PCDH7: variants seen among roughly 807,000 people sequenced by gnomAD.
PCDH7 encodes the protein protocadherin-7.
PCDH7 carries 17 observed loss-of-function variants against 58.9 expected under a neutral mutation model. That is an observed-to-expected ratio of 0.29 (90% CI 0.20 to 0.43). PCDH7 has a LOEUF of 0.43. Ranked by LOEUF, PCDH7 falls within the 20% of genes least tolerant of loss-of-function variation. The pLI is 1.00. For synonymous variants in PCDH7, 664 were observed against 616.4 expected (o/e 1.08, Z -1.14); for missense variants, 1,274 against 1,441.0 (o/e 0.88, Z 1.88).
intron 3 of PCDH7, among the ~76,000 whole-genome samples, chr4:31,031,113 A>G (rs1754877865): frequency 1.3e-5 from 2 of 152,132 alleles, no homozygotes; most frequent in African/African-American, 2.4e-5. Context: ...GGATGGAAAG[A>G]TCATATTTGA....
chr4:30,998,884 G>C (rs778453789), intron 3 of PCDH7, among the ~76,000 whole-genome samples: 1 of 152,120 alleles, frequency 6.6e-6, no homozygotes, highest in African/African-American at 2.4e-5. Flanking sequence ...CAATTGGAAA[G>C]GAAGCTGTCA....
intron 3 of PCDH7, among the ~76,000 whole-genome samples, chr4:31,026,406 T>A (rs920899320): frequency 6.6e-6 from 1 of 152,180 alleles, no homozygotes; most frequent in Non-Finnish European, 1.5e-5. Flanking sequence ...CAAGGGAAGT[T>A]GAGATAACAA....
intron 1 of PCDH7, among the ~76,000 whole-genome samples, chr4:30,861,244 C>T (rs1017548050): frequency 6.6e-5 from 10 of 152,182 alleles, no homozygotes; most frequent in East Asian, 3.9e-4. Flanking sequence ...GTTGTTTTTC[C>T]GGTAGAGGTA....
intron 1 of PCDH7, among the ~76,000 whole-genome samples, chr4:30,858,106 G>A (rs1733720273): frequency 6.6e-6 from 1 of 152,022 alleles, no homozygotes; most frequent in South Asian, 2.1e-4. Context: ...ATGAACTTTT[G>A]CCTACATTGA....
At chr4:30,763,207 G>A (rs1398227795) in intron 1 of PCDH7, among the ~76,000 whole-genome samples, 1 of 152,196 alleles carries the variant, frequency 6.6e-6, no homozygotes, top group Non-Finnish European at 1.5e-5. Context: ...GGGGACAAGA[G>A]TGAAACTCCG....
chr4:31,081,848 C>T (rs979436272), intron 3 of PCDH7, among the ~76,000 whole-genome samples: 1 of 151,496 alleles, frequency 6.6e-6, no homozygotes, highest in Non-Finnish European at 1.5e-5. Flanking sequence ...TCTTGGCTCA[C>T]TGCAACCTCT....
intron 1 of PCDH7, among the ~76,000 whole-genome samples, chr4:30,754,555 A>C (rs963068995): frequency 6.6e-6 from 1 of 152,186 alleles, no homozygotes. Context: ...GGAAACAATA[A>C]ATCTTGTCAG....
chr4:30,868,264 T>C (rs533891884), intron 1 of PCDH7, among the ~76,000 whole-genome samples: 1 of 152,124 alleles, frequency 6.6e-6, no homozygotes, highest in Non-Finnish European at 1.5e-5. Flanking sequence ...ATCCCTATTA[T>C]AGTGCTATTT....
chr4:30,912,029 A>T (rs943161294), intron 1 of PCDH7, among the ~76,000 whole-genome samples: 3 of 152,206 alleles, frequency 2.0e-5, no homozygotes, highest in African/African-American at 7.2e-5. Flanking sequence ...ATTGCATTCA[A>T]GTCAAAGGAA....
downstream of PCDH7, among the ~76,000 whole-genome samples, chr4:30,734,101 C>T (rs1715905102): frequency 6.6e-6 from 1 of 151,940 alleles, no homozygotes. Flanking sequence ...CTACCAAAGT[C>T]TTTTGGGAGC....
chr4:30,847,204 A>G (rs539306472), intron 1 of PCDH7, among the ~76,000 whole-genome samples: 1 of 152,136 alleles, frequency 6.6e-6, no homozygotes, highest in Non-Finnish European at 1.5e-5. Context: ...TAATGCTACT[A>G]TCAGATTTTG....
chr4:30,948,566 T>C (rs1746996152), intron 2 of PCDH7, among the ~76,000 whole-genome samples: 1 of 152,164 alleles, frequency 6.6e-6, no homozygotes, highest in South Asian at 2.1e-4. Context: ...CAATTAATGT[T>C]TTAAGTTAAA....
chr4:30,747,152 G>C (rs79076409), intron 1 of PCDH7, among the ~76,000 whole-genome samples: 5,536 of 152,188 alleles, frequency 0.036, 263 homozygotes, highest in East Asian at 0.22. Flanking sequence ...TTGTTAAAAT[G>C]TTTTAGTATG....
chr4:31,116,505 C>T (rs1478454702), intron 3 of PCDH7, among the ~76,000 whole-genome samples: 1 of 152,088 alleles, frequency 6.6e-6, no homozygotes, highest in African/African-American at 2.4e-5. Flanking sequence ...ACTGTGGTGG[C>T]ATTTTCGGTG....
chr4:30,722,775 C>T lies in PCDH7; in HGVS notation c.1353C>T (p.Asp451=). 6.2e-7 allele frequency: 1 copy of T among 1,613,632 alleles called. No individual in the cohort carries two copies. ...CTCTGGTGCAGGTGTCCGACCGAGACCAAGGCGAGAACGGGGTGGTCACCT... is the reference window on the plus strand; with the variant it reads ...CTCTGGTGCAGGTGTCCGACCGAGATCAAGGCGAGAACGGGGTGGTCACCT... Residue 451 remains aspartate (D), a synonymous_variant, in exon 1 of 2, where the codon GAC becomes GAT. Transcript: ENST00000361762. This position sits in a 1 kb window ranked among gnomAD's most constrained non-coding sequence, Gnocchi z 7.6.
chr4:31,094,094 CT>C (rs1713628850), intron 3 of PCDH7, among the ~76,000 whole-genome samples: 1 of 152,086 alleles, frequency 6.6e-6, no homozygotes, highest in African/African-American at 2.4e-5. Context: ...TAACACTTGC[CT>C]CTTTGATATC....
At chr4:30,754,775 A>G (rs1161972141) in intron 1 of PCDH7, among the ~76,000 whole-genome samples, 1 of 150,694 alleles carries the variant, frequency 6.6e-6, no homozygotes, top group Non-Finnish European at 1.5e-5. Context: ...TTTTTTTTTG[A>G]CATTATCTAA....
At chr4:30,898,936 G>T (rs906218882) in intron 1 of PCDH7, among the ~76,000 whole-genome samples, 2 of 151,578 alleles carry the variant, frequency 1.3e-5, no homozygotes, top group Non-Finnish European at 2.9e-5. Context: ...TTCATACTGT[G>T]ATTGAGACCT....
chr4:30,857,370 A>G (rs1733604083), intron 1 of PCDH7, among the ~76,000 whole-genome samples: 1 of 152,164 alleles, frequency 6.6e-6, no homozygotes, highest in Non-Finnish European at 1.5e-5. Flanking sequence ...CACTCGGAGC[A>G]TCTTATTTGT....
Sources: gnomAD v4.1 joint callset for allele counts (sites outside exome capture counted in the v4.1 genomes callset) on GRCh38, gnomAD v4.1.1 for gene constraint, Gnocchi (gnomAD v3.1) non-coding constraint, MANE v1.5 for transcripts, NCBI Gene and HGNC (gene_info 2026-07-23, HGNC 2026-07-21) for gene names.